Variants in SAMD12 observed in about 807,000 individuals in gnomAD.
SAMD12 encodes the protein sterile alpha motif domain containing 12, also known as sterile alpha motif domain-containing protein 12.
SAMD12 carries 9 observed loss-of-function variants against 15.0 expected under a neutral mutation model. The ratio of observed to expected loss-of-function variants is 0.60; its 90% confidence interval spans 0.36 to 1.05. The LOEUF is 1.05. Among genes scored for constraint, SAMD12 ranks in the 50% least tolerant of loss-of-function variants. The pLI is 0.01. For synonymous variants in SAMD12, 86 were observed against 90.1 expected (o/e 0.96, Z 0.25); for missense variants, 230 against 234.2 (o/e 0.98, Z 0.12).
chr8:118,434,175 C>T (rs1052570343), intron 3 of SAMD12, among the ~76,000 whole-genome samples: 4 of 152,114 alleles, frequency 2.6e-5, no homozygotes, highest in Non-Finnish European at 5.9e-5. Context: ...CAAGGTGCTA[C>T]ATCTCAGCAG....
intron 4 of SAMD12, among the ~76,000 whole-genome samples, chr8:118,328,836 C>T (rs1816680754): frequency 6.6e-6 from 1 of 152,112 alleles, no homozygotes; most frequent in Non-Finnish European, 1.5e-5. Context: ...GTCATATCAT[C>T]CTATGTGTAA....
chr8:118,592,365 C>T (rs1827603248), intron 1 of SAMD12, among the ~76,000 whole-genome samples: 1 of 152,074 alleles, frequency 6.6e-6, no homozygotes, highest in South Asian at 2.1e-4. Flanking sequence ...TCCCATGTTA[C>T]TCTGGGGAAT....
intron 4 of SAMD12, among the ~76,000 whole-genome samples, chr8:118,250,007 G>A (rs780222879): frequency 4.6e-5 from 7 of 152,080 alleles, no homozygotes; most frequent in Non-Finnish European, 8.8e-5. Context: ...TGCATGGGAG[G>A]CTGGAGATCA....
chr8:118,587,692 G>GA (rs940747602), intron 1 of SAMD12, among the ~76,000 whole-genome samples: 2 of 152,108 alleles, frequency 1.3e-5, no homozygotes, highest in Non-Finnish European at 2.9e-5. Flanking sequence ...CTACAAAGAT[G>GA]AAAAAAAGTC....
chr8:118,229,332 AC>A (rs975288131), intron 4 of SAMD12, among the ~76,000 whole-genome samples: 61 of 151,824 alleles, frequency 4.0e-4, no homozygotes, highest in African/African-American at 1.4e-3. Context: ...AAAATATCAA[AC>A]TTATTTATCT....
chr8:118,449,726 G>A (rs1252605919), intron 2 of SAMD12, among the ~76,000 whole-genome samples: 9 of 150,140 alleles, frequency 6.0e-5, no homozygotes, highest in South Asian at 2.1e-4. Context: ...GCGTGAACCC[G>A]GGAGGCAGAG....
chr8:118,451,657 TA>T (rs1364520833), intron 2 of SAMD12, among the ~76,000 whole-genome samples: 1 of 152,198 alleles, frequency 6.6e-6, no homozygotes, highest in Non-Finnish European at 1.5e-5. Context: ...GGCACTGTGT[TA>T]AAAACAGAAG....
At chr8:118,304,164 C>T (rs60224208) in intron 4 of SAMD12, among the ~76,000 whole-genome samples, 103 of 152,218 alleles carry the variant, frequency 6.8e-4, no homozygotes, top group African/African-American at 2.4e-3. Flanking sequence ...AGAGGACACT[C>T]GATTCTTCCT....
chr8:118,575,306 T>C (rs1157307765), intron 2 of SAMD12, among the ~76,000 whole-genome samples: 1 of 152,254 alleles, frequency 6.6e-6, no homozygotes, highest in African/African-American at 2.4e-5. Flanking sequence ...CTGTTTTAGA[T>C]GTTGGCATTG....
chr8:118,521,579 G>A (rs1330434982), intron 2 of SAMD12, among the ~76,000 whole-genome samples: 1 of 152,122 alleles, frequency 6.6e-6, no homozygotes, highest in African/African-American at 2.4e-5. Flanking sequence ...TGTTATACTC[G>A]CAGATATGCA....
At chr8:118,163,745 G>A in the SAMD12 span, among the ~76,000 whole-genome samples, 1 of 152,118 alleles carries the variant, frequency 6.6e-6, no homozygotes, top group Non-Finnish European at 1.5e-5. Flanking sequence ...CGCGGTGGCG[G>A]GCGCCTGTAG....
At chr8:118,174,897 A>G in the SAMD12 span, among the ~76,000 whole-genome samples, 3 of 152,240 alleles carry the variant, frequency 2.0e-5, no homozygotes, top group Admixed American at 6.5e-5. Flanking sequence ...TTGTTGTACC[A>G]TTTAGAATAA....
intron 2 of SAMD12, among the ~76,000 whole-genome samples, chr8:118,562,446 G>T (rs1586820970): frequency 6.6e-6 from 1 of 152,174 alleles, no homozygotes; most frequent in Middle Eastern, 3.4e-3. Flanking sequence ...AGAAAGGAGG[G>T]AAAAGTCAGA....
chr8:118,404,792 A>G (rs1821046253), intron 3 of SAMD12, among the ~76,000 whole-genome samples: 1 of 152,080 alleles, frequency 6.6e-6, no homozygotes, highest in African/African-American at 2.4e-5. Context: ...CTACAAGTCC[A>G]TTACTTTTTT....
At chr8:118,513,747 G>A (rs1241339247) in intron 2 of SAMD12, among the ~76,000 whole-genome samples, 1 of 152,206 alleles carries the variant, frequency 6.6e-6, no homozygotes, top group Non-Finnish European at 1.5e-5. Context: ...TGTCTACTGG[G>A]GACTAGACAG....
At chr8:118,296,844 A>T (rs1195235865) in intron 4 of SAMD12, among the ~76,000 whole-genome samples, 1 of 152,242 alleles carries the variant, frequency 6.6e-6, no homozygotes. Flanking sequence ...TTTGTTCATC[A>T]TGTATTCAAC....
intron 2 of SAMD12, among the ~76,000 whole-genome samples, chr8:118,566,576 C>T (rs1292520413): frequency 6.6e-6 from 1 of 152,106 alleles, no homozygotes; most frequent in Non-Finnish European, 1.5e-5. Flanking sequence ...AAGCCACTCT[C>T]ACTAAATAAA....
chr8:118,275,536 AT>A (rs1013492184), intron 4 of SAMD12, among the ~76,000 whole-genome samples: 1 of 152,176 alleles, frequency 6.6e-6, no homozygotes, highest in African/African-American at 2.4e-5. Flanking sequence ...ACATGCAAAA[AT>A]CTGCTTTTTT....
intron 4 of SAMD12, among the ~76,000 whole-genome samples, chr8:118,359,606 T>C (rs1818393546): frequency 6.6e-6 from 1 of 152,196 alleles, no homozygotes; most frequent in South Asian, 2.1e-4. Flanking sequence ...TGGAGAGAGC[T>C]TGTGTTTGAA....
Sources: allele counts gnomAD v4.1 joint callset (sites outside exome capture counted in the v4.1 genomes callset), GRCh38; gene constraint gnomAD v4.1.1; transcripts MANE v1.5; gene names NCBI Gene and HGNC (gene_info 2026-07-23, HGNC 2026-07-21).